The following ETFDH variants were observed in gnomAD, a reference collection of about 807,000 sequenced individuals.
ETFDH encodes electron transfer flavoprotein dehydrogenase.
Under a neutral mutation model 73.2 loss-of-function variants are expected in ETFDH, and 61 were observed. The observed-to-expected ratio is 0.83, with a 90% CI of 0.68 to 1.03. The LOEUF is 1.03. Among genes scored for constraint, ETFDH ranks in the 50% least tolerant of loss-of-function variants. The pLI is 0.00. For synonymous variants in ETFDH, 243 were observed against 253.3 expected, an observed-to-expected ratio of 0.96 and a Z score of 0.39; for missense variants, 685 against 745.0, an observed-to-expected ratio of 0.92 and a Z score of 0.94.
chr4:158,677,963 T>C (rs956319534), intron 1 of ETFDH, among the ~76,000 whole-genome samples: 2 of 152,248 alleles, frequency 1.3e-5, no homozygotes, highest in Admixed American at 6.5e-5. Flanking sequence ...TTAGCAAATA[T>C]AGGGTTTGAT....
Position 158,706,639 on chromosome 4 carries a change from T to G in ETFDH, c.1479T>G (p.Phe493Leu). The G allele has an allele frequency of 6.2e-7, 1 of 1,613,922 alleles. No individual in the cohort carries two copies. ...TCAAAATTGTTGAAGGTTCTGACTTTGAACGGCTCAAGCCAGCCAAGGATT... is the reference window on the plus strand; with the variant it reads ...TCAAAATTGTTGAAGGTTCTGACTTGGAACGGCTCAAGCCAGCCAAGGATT... ...PWTLKHKGSDFERLKPAKDCT... is the reference protein window; with the variant it reads ...PWTLKHKGSDLERLKPAKDCT... The change falls in exon 12 of 13, where the codon TTT becomes TTG. Residue 493 changes from phenylalanine to leucine, a missense_variant. Phe to Leu is a conservative substitution (Grantham distance 22, BLOSUM62 0). Around this residue, in one of 3 missense-constraint regions of ETFDH, gnomAD observed 201 missense variants for 225.2 expected, o/e 0.89. Coordinates refer to ENST00000511912, the MANE Select transcript of ETFDH (RefSeq NM_004453.4).
Position 158,689,621 on chromosome 4 carries a change from TA to T in ETFDH, c.607-726del, listed in dbSNP as rs1317687686. Among the ~76,000 whole-genome samples, 185 of 113,652 alleles carry T rather than the reference TA, an allele frequency of 1.6e-3. 5 individuals are homozygous for T. Among genetic ancestry groups the T allele is most frequent in the Middle Eastern group, 9.1e-3 (2 of 220 alleles). The allele number at this position is 113,652 out of a possible 152,430, so 74.6% of individuals were successfully genotyped here. On this transcript the variant is annotated intron_variant, in intron 5 of 12. Transcript: ENST00000511912. ...ATATATATATATATATATATATATA[TA>T]TATATATATATATATTGTGGGGGGG...
intron 8 of ETFDH, 44 bp downstream of exon 8, chr4:158,697,743 T>G: frequency 6.5e-7 from 1 of 1,537,512 alleles, no homozygotes; most frequent in Non-Finnish European, 9.0e-7. Context: ...GCTAGAGTTA[T>G]ATTACCATCA....
At chr4:158,699,513 T>C (rs1335106693) in intron 9 of ETFDH, among the ~76,000 whole-genome samples, 1 of 152,168 alleles carries the variant, frequency 6.6e-6, no homozygotes, top group Admixed American at 6.5e-5. Context: ...GAGGTTGCAG[T>C]GAGCCAAGAT....
At chr4:158,694,375 C>G (rs1028713492) in intron 6 of ETFDH, among the ~76,000 whole-genome samples, 5 of 152,002 alleles carry the variant, frequency 3.3e-5, no homozygotes, top group African/African-American at 1.2e-4. Context: ...GGTGGATCAT[C>G]TGAGGTCAGG....
At chr4:158,695,239 A>G (rs187094100) in intron 6 of ETFDH, among the ~76,000 whole-genome samples, 3 of 152,348 alleles carry the variant, frequency 2.0e-5, no homozygotes, top group Non-Finnish European at 4.4e-5. Flanking sequence ...GTCTCTCTAC[A>G]TGGACTACTA....
chr4:158,684,515 T>G, intron 3 of ETFDH, 77 bp from the exon 4 acceptor site: 1 of 839,584 alleles, frequency 1.2e-6, no homozygotes, highest in Non-Finnish European at 2.0e-6. Context: ...CAGAGTACAT[T>G]TTATAGTTTT....
rs544771168 is a variant in ETFDH at position 158,702,044 on chromosome 4, A to G, written c.1117-1379A>G. ...GGTAGTAGCTAGTTGCAGTGGTGCCATGATTAGAGCATAGGTTTCTATCCC... is the reference window on the plus strand; with the variant it reads ...GGTAGTAGCTAGTTGCAGTGGTGCCGTGATTAGAGCATAGGTTTCTATCCC... On this transcript the variant is annotated intron_variant, in intron 9 of 12. Transcript: ENST00000511912. Among the ~76,000 whole-genome samples the G allele has an allele frequency of 2.0e-5, 3 of 152,294 alleles. No individual in the cohort carries two copies. The East Asian group carries it at 5.8e-4, about 29-fold the overall frequency.
At chr4:158,684,215 C>T (rs1400338250) in intron 3 of ETFDH, among the ~76,000 whole-genome samples, 1 of 152,006 alleles carries the variant, frequency 6.6e-6, no homozygotes, top group African/African-American at 2.4e-5. Flanking sequence ...CATGGTAAAA[C>T]CCCCTCTCTA....
In ETFDH at chr4:158,672,368, G is replaced by T; in HGVS notation, c.-89G>T. On this transcript the variant is annotated 5_prime_UTR_variant, in exon 1 of 13. Transcript: ENST00000511912. ...TTCTTGCTTTCCGGCAGGTGATGGC[G>T]CCCCCCGCGGCCTAGAGGTCCAGCG... is the stretch of plus-strand genomic sequence containing the variant. 3.7e-6 allele frequency: 5 copies of T among 1,367,018 alleles called. No individual in the cohort carries two copies. The highest frequency in any genetic ancestry group is 1.2e-5 in the South Asian group (1 of 86,132). 84.7% of individuals were successfully genotyped at this position (1,367,018 alleles called of 1,614,324 possible). A position where few individuals can be genotyped will look rare whatever the true frequency, so the allele number is the denominator to read the frequency against.
At chr4:158,692,876 TAAAAAA>T (rs201333277) in intron 6 of ETFDH, among the ~76,000 whole-genome samples, 2 of 105,112 alleles carry the variant, frequency 1.9e-5, no homozygotes, top group African/African-American at 6.5e-5. Context: ...AAAAAAAGAT[TAAAAAA>T]AAAAAAACAT....
In ETFDH at chr4:158,706,762, G is replaced by A. The variant is rs142475999; in HGVS notation, c.1602G>A (p.Pro534=). ...LSGTNHEHDQ[P]AHLTLRDDSI... ...GTACTAATCATGAACATGACCAGCC[G>A]GCACACTTAACCTTAAGGGATGACA... Residue 534 remains proline (P), a synonymous_variant, in exon 12 of 13, where the codon CCG becomes CCA. Transcript: ENST00000511912. 1.6e-4 allele frequency: 252 copies of A among 1,613,640 alleles called. No individual in the cohort carries two copies. In the African/African-American group the frequency reaches 2.5e-3, roughly 16 times the overall value.
intron 5 of ETFDH, among the ~76,000 whole-genome samples, chr4:158,689,595 C>CATATATATATATATATAT (rs573706904): frequency 6.1e-4 from 20 of 32,766 alleles, no homozygotes; most frequent in Non-Finnish European, 6.8e-4. Flanking sequence ...ATAAAACCTT[C>CATATATATATATATATAT]ATATATATAT....
chr4:158,699,132 T>C lies in ETFDH; in HGVS notation c.1116+2T>C, dbSNP rs1561247874. 2 of 1,611,730 alleles carry C rather than the reference T, an allele frequency of 1.2e-6. No homozygotes were observed. The highest frequency in any genetic ancestry group is 4.5e-5 in the East Asian group (2 of 44,840). On this transcript the variant is annotated splice_donor_variant, in intron 9 of 12. Transcript: ENST00000511912. LOFTEE classifies it high-confidence loss of function. ...GCTCTCAATGAAGGTGGCTTTCAGGTAACTCTTCCAACTTTTATTTTCCTT... is the reference window on the plus strand; with the variant it reads ...GCTCTCAATGAAGGTGGCTTTCAGGCAACTCTTCCAACTTTTATTTTCCTT...
intron 2 of ETFDH, among the ~76,000 whole-genome samples, chr4:158,681,318 T>A (rs1036866206): frequency 6.6e-6 from 1 of 152,170 alleles, no homozygotes; most frequent in African/African-American, 2.4e-5. Context: ...AAGAAACTTA[T>A]AGAAAAATGA....
At chr4:158,706,071 A>T (rs1253620163) in intron 10 of ETFDH, 118 bp from the exon 11 acceptor site, 1 of 741,568 alleles carries the variant, frequency 1.3e-6, no homozygotes, top group African/African-American at 1.7e-5. Context: ...ACAGAGCAAG[A>T]CCTTGTCTCG....
At chr4:158,681,097 C>A (rs1202645673) in intron 2 of ETFDH, among the ~76,000 whole-genome samples, 1 of 152,074 alleles carries the variant, frequency 6.6e-6, no homozygotes, top group Non-Finnish European at 1.5e-5. Flanking sequence ...GCAGGTCCTT[C>A]AGGAGGTATT....
intron 5 of ETFDH, among the ~76,000 whole-genome samples, chr4:158,687,830 G>GGAGATCAA (rs1478518183): frequency 6.7e-6 from 1 of 149,446 alleles, no homozygotes; most frequent in Non-Finnish European, 1.5e-5. Flanking sequence ...CACGAGGTCA[G>GGAGATCAA]GAGATCAAGA....
intron 1 of ETFDH, among the ~76,000 whole-genome samples, chr4:158,675,603 C>T (rs908614365): frequency 6.6e-6 from 1 of 151,762 alleles, no homozygotes; most frequent in African/African-American, 2.4e-5. Context: ...TGCTTGTCTA[C>T]AAAAAAATAG....
Sources: allele counts gnomAD v4.1 joint callset (sites outside exome capture counted in the v4.1 genomes callset), GRCh38; gene constraint gnomAD v4.1.1; regional missense constraint gnomAD v4.1.1; transcripts MANE v1.5; gene names NCBI Gene and HGNC (gene_info 2026-07-23, HGNC 2026-07-21).